The following FAM78B variants were observed in gnomAD, a reference collection of about 807,000 sequenced individuals.
FAM78B encodes the protein family with sequence similarity 78 member B, also known as protein FAM78B.
In FAM78B, 10 loss-of-function variants were observed where a neutral mutation model predicts 20.0. That is an observed-to-expected ratio of 0.50 (90% CI 0.31 to 0.85). The LOEUF is 0.85. FAM78B is among the 40% of genes least tolerant of loss of function. The pLI, the probability that FAM78B is intolerant of heterozygous loss-of-function variation, is 0.05. For missense variants in FAM78B, 283 were observed against 345.0 expected (o/e 0.82, Z 1.42); for synonymous variants, 135 against 132.8 (o/e 1.02, Z -0.12).
downstream of FAM78B, among the ~76,000 whole-genome samples, chr1:166,064,858 C>T (rs1297966082): frequency 6.6e-6 from 1 of 152,222 alleles, no homozygotes; most frequent in Non-Finnish European, 1.5e-5. Flanking sequence ...ATTAATATCT[C>T]AGGTAACAGA....
intron 1 of FAM78B, among the ~76,000 whole-genome samples, chr1:166,101,603 G>C (rs1653520396): frequency 6.6e-6 from 1 of 152,136 alleles, no homozygotes. Context: ...TGGAAGAAAG[G>C]GTATCAGTGA....
rs146297227 is a variant in FAM78B, at chr1:166,097,444, G to A, written c.264-26681C>T. ...CAAGCCCCTTTTCTTCTGCAGCTGA[G>A]AGGCAGATAGCCAGGGGCAGGTTTT... On this transcript the variant is annotated intron_variant, in intron 1 of 1. Transcript: ENST00000354422. Among the ~76,000 whole-genome samples the A allele has an allele frequency of 2.6e-5, 4 of 152,336 alleles. No individual in the cohort carries two copies. In the East Asian group the frequency reaches 7.7e-4, roughly 29 times the overall value.
In FAM78B at chr1:166,165,966, C is replaced by T; in HGVS notation, c.263+20G>A. On this transcript the variant is annotated intron_variant, in intron 1 of 1. Coordinates refer to ENST00000354422, the MANE Select transcript of FAM78B (RefSeq NM_001017961.5). The stretch of plus-strand genomic sequence containing the variant: ...TGGGGGCCCAGAGTCCGCTCCCGTG[C>T]CGCGCGGCGAGTCGCTTACATGCCC... 1 of 1,613,180 alleles carries T rather than the reference C, an allele frequency of 6.2e-7. No homozygotes were observed. Among genetic ancestry groups the T allele is most frequent in the South Asian group, 1.1e-5 (1 of 91,032 alleles).
chr1:166,073,616 T>A (rs1230501830), intron 1 of FAM78B, among the ~76,000 whole-genome samples: 1 of 151,960 alleles, frequency 6.6e-6, no homozygotes, highest in Non-Finnish European at 1.5e-5. Context: ...ATGTCTTTGG[T>A]AATGGTTTTT....
chr1:166,153,073 C>G (rs1655746014), intron 1 of FAM78B, among the ~76,000 whole-genome samples: 1 of 152,158 alleles, frequency 6.6e-6, no homozygotes, highest in Admixed American at 6.5e-5. Flanking sequence ...TAAAGATCAT[C>G]CATGGTTTTT....
intron 1 of FAM78B, chr1:166,087,178 G>A (rs1333378353): frequency 6.6e-6 from 1 of 151,882 alleles, no homozygotes; most frequent in African/African-American, 2.4e-5. Flanking sequence ...CGATTCTCCT[G>A]CCTCAGCCTC....
rs143556278 is a variant in FAM78B, at chr1:166,124,828, T to C, written c.263+41158A>G. Among the ~76,000 whole-genome samples the C allele has an allele frequency of 1.3e-3, 192 of 152,264 alleles. 4 individuals are homozygous for C. In the East Asian group the frequency reaches 0.031, roughly 25 times the overall value. On this transcript the variant is annotated intron_variant, in intron 1 of 1. Coordinates refer to ENST00000354422, the MANE Select transcript of FAM78B (RefSeq NM_001017961.5). ...ACTTGGGCCCTTGGAAGCGGGATCATAGAGGGCTGTGGAAGGAATGGAGTC... is the reference window on the plus strand; with the variant it reads ...ACTTGGGCCCTTGGAAGCGGGATCACAGAGGGCTGTGGAAGGAATGGAGTC...
At chr1:166,080,745 G>A (rs1652534358) in intron 1 of FAM78B, among the ~76,000 whole-genome samples, 1 of 152,208 alleles carries the variant, frequency 6.6e-6, no homozygotes, top group African/African-American at 2.4e-5. Context: ...CCAGTCACGT[G>A]AGTCTCATGT....
At chr1:166,121,609 T>C (rs1654467395) in intron 1 of FAM78B, among the ~76,000 whole-genome samples, 1 of 152,164 alleles carries the variant, frequency 6.6e-6, no homozygotes, top group Admixed American at 6.5e-5. Context: ...TGAGTGGTAA[T>C]GACCTTTGAT....
rs538676728 is a variant in FAM78B at position 166,100,719 on chromosome 1, C to T, written c.264-29956G>A. ...AAAGCTCGAACTGGGTGAAGCCCACCGTAGCTCAAGGAGGCCTGCCTGCCT... is the reference window on the plus strand; with the variant it reads ...AAAGCTCGAACTGGGTGAAGCCCACTGTAGCTCAAGGAGGCCTGCCTGCCT... On this transcript the variant is annotated intron_variant, in intron 1 of 1. Coordinates refer to ENST00000354422, the MANE Select transcript of FAM78B (RefSeq NM_001017961.5). 6.2e-4 allele frequency among the ~76,000 whole-genome samples: 94 copies of T among 152,346 alleles called. 2 individuals carry two copies. The South Asian group carries it at 0.018, about 29-fold the overall frequency.
At chr1:166,161,835 G>T (rs913069758) in intron 1 of FAM78B, among the ~76,000 whole-genome samples, 1 of 152,184 alleles carries the variant, frequency 6.6e-6, no homozygotes, top group Non-Finnish European at 1.5e-5. Flanking sequence ...TCGAGAGTTC[G>T]GGTCTGGATA....
intron 1 of FAM78B, among the ~76,000 whole-genome samples, chr1:166,094,119 G>T (rs955698607): frequency 2.6e-5 from 4 of 151,848 alleles, no homozygotes; most frequent in African/African-American, 9.7e-5. Context: ...GGGATGCAGG[G>T]CTGATCCCAA....
At chr1:166,126,374 C>T (rs143076407) in intron 1 of FAM78B, among the ~76,000 whole-genome samples, 5 of 152,184 alleles carry the variant, frequency 3.3e-5, no homozygotes, top group South Asian at 2.1e-4. Context: ...GCAATAAACA[C>T]AATAAATGAG....
At chr1:166,120,977 T>C (rs1490415008) in intron 1 of FAM78B, among the ~76,000 whole-genome samples, 1 of 152,250 alleles carries the variant, frequency 6.6e-6, no homozygotes, top group East Asian at 1.9e-4. Flanking sequence ...CTTCTGGATG[T>C]TGTCACCAGA....
intron 1 of FAM78B, among the ~76,000 whole-genome samples, chr1:166,107,097 G>C (rs1653818001): frequency 6.6e-6 from 1 of 151,842 alleles, no homozygotes; most frequent in Admixed American, 6.6e-5. Flanking sequence ...AGGAACTACA[G>C]AAACAAGAAT....
chr1:166,069,230 T>C (rs1469093905), downstream of FAM78B, among the ~76,000 whole-genome samples: 1 of 146,714 alleles, frequency 6.8e-6, no homozygotes, highest in Non-Finnish European at 1.5e-5. Flanking sequence ...TGTGTGCATG[T>C]GTGTGTGTGT....
chr1:166,094,239 G>C (rs1355728603), intron 1 of FAM78B, among the ~76,000 whole-genome samples: 1 of 152,162 alleles, frequency 6.6e-6, no homozygotes, highest in African/African-American at 2.4e-5. Context: ...CAAGGAGCAG[G>C]AACAGAGGTG....
downstream of FAM78B, among the ~76,000 whole-genome samples, chr1:166,056,919 A>G (rs993483709): frequency 5.9e-5 from 9 of 152,164 alleles, no homozygotes; most frequent in African/African-American, 2.2e-4. Flanking sequence ...GGAGGTGATT[A>G]GGTCATGAAG....
At chr1:166,093,325 G>A (rs1653151805) in intron 1 of FAM78B, among the ~76,000 whole-genome samples, 1 of 152,116 alleles carries the variant, frequency 6.6e-6, no homozygotes, top group Non-Finnish European at 1.5e-5. Context: ...GTAATCAGCA[G>A]GAAAATGATA....
Sources: gnomAD v4.1 joint callset for allele counts (sites outside exome capture counted in the v4.1 genomes callset) on GRCh38, gnomAD v4.1.1 for gene constraint, MANE v1.5 for transcripts, NCBI Gene and HGNC (gene_info 2026-07-23, HGNC 2026-07-21) for gene names.